The following GABRA1 variants were observed in gnomAD, a reference collection of about 807,000 sequenced individuals.
GABRA1 encodes gamma-aminobutyric acid receptor subunit alpha-1.
A neutral mutation model predicts 48.9 loss-of-function variants in GABRA1; 9 were observed. That is an observed-to-expected ratio of 0.18 (90% CI 0.11 to 0.32). The LOEUF is 0.32. GABRA1 is among the 10% of genes least tolerant of loss of function. The pLI is 1.00. For missense variants in GABRA1, 285 were observed against 553.8 expected, an observed-to-expected ratio of 0.51 and a Z score of 4.87; for synonymous variants, 210 against 198.7, an observed-to-expected ratio of 1.06 and a Z score of -0.48.
intron 6 of GABRA1, chr5:161,881,945 G>A (rs1754632047): frequency 6.5e-6 from 1 of 153,114 alleles, no homozygotes; most frequent in Non-Finnish European, 1.4e-5. Flanking sequence ...AGAAGGAGAA[G>A]GAGAAGGAGG....
At chr5:161,896,442 T>C (rs1755372125) in intron 9 of GABRA1, among the ~76,000 whole-genome samples, 1 of 152,060 alleles carries the variant, frequency 6.6e-6, no homozygotes, top group South Asian at 2.1e-4. Flanking sequence ...TGGTAGAAAA[T>C]GTTCAAGTTA....
chr5:161,890,688 G>A (rs1164722757), intron 7 of GABRA1, among the ~76,000 whole-genome samples: 3 of 151,966 alleles, frequency 2.0e-5, no homozygotes, highest in East Asian at 1.9e-4. Context: ...AAAGACTCTG[G>A]CACCTCAGTC....
intron 3 of GABRA1, among the ~76,000 whole-genome samples, chr5:161,856,664 T>G (rs1326283262): frequency 6.6e-6 from 1 of 151,354 alleles, no homozygotes; most frequent in Non-Finnish European, 1.5e-5. Flanking sequence ...TTGATACTGA[T>G]TAAACTTTTT....
chr5:161,863,587 C>A (rs1757940612), intron 3 of GABRA1, among the ~76,000 whole-genome samples: 1 of 152,030 alleles, frequency 6.6e-6, no homozygotes, highest in Non-Finnish European at 1.5e-5. Context: ...ACACTTCCCA[C>A]CAGGCCCCAG....
At chr5:161,855,016 C>G (rs917270525) in intron 3 of GABRA1, among the ~76,000 whole-genome samples, 2 of 151,356 alleles carry the variant, frequency 1.3e-5, no homozygotes, top group Non-Finnish European at 3.0e-5. Context: ...ATATTGATCT[C>G]AGAGTAAAAC....
At chr5:161,878,571 A>G (rs1344656178) in intron 6 of GABRA1, among the ~76,000 whole-genome samples, 2 of 152,212 alleles carry the variant, frequency 1.3e-5, no homozygotes, top group Non-Finnish European at 2.9e-5. Flanking sequence ...ATATGGTGAT[A>G]AAATCTAAAG....
chr5:161,850,724 C>G, intron 1 of GABRA1, 72 bp from the exon 2 acceptor site: 1 of 1,249,762 alleles, frequency 8.0e-7, no homozygotes, highest in Non-Finnish European at 1.2e-6. Flanking sequence ...TAAACTGCCT[C>G]AGTCAGCCCT....
Position 161,850,841 on chromosome 5 carries a change from C to T in GABRA1, c.31C>T (p.Leu11Phe). 3 of 1,614,092 alleles carry T rather than the reference C, an allele frequency of 1.9e-6. No individual in the cohort carries two copies. The highest frequency in any genetic ancestry group is 2.5e-6 in the Non-Finnish European group (3 of 1,179,948). The change falls in exon 2 of 10, where the codon CTT becomes TTT. Residue 11 changes from leucine to phenylalanine, a missense_variant. Transcript: ENST00000393943. ...GAAAAGTCCAGGTCTGTCTGACTGTCTTTGGGCCTGGATCCTCCTTCTGAG... is the reference window on the plus strand; with the variant it reads ...GAAAAGTCCAGGTCTGTCTGACTGTTTTTGGGCCTGGATCCTCCTTCTGAG... MRKSPGLSDCLWAWILLLSTL... is the reference protein window; with the variant it reads MRKSPGLSDCFWAWILLLSTL...
chr5:161,896,777 T>C (rs1331994366), intron 9 of GABRA1, among the ~76,000 whole-genome samples: 1 of 152,188 alleles, frequency 6.6e-6, no homozygotes, highest in East Asian at 1.9e-4. Flanking sequence ...GGTCACAGCA[T>C]ATTAAAGGGG....
intron 3 of GABRA1, among the ~76,000 whole-genome samples, chr5:161,856,613 T>C (rs1275634962): frequency 1.3e-5 from 2 of 150,928 alleles, no homozygotes; most frequent in Non-Finnish European, 3.0e-5. Context: ...TGGAATTTAG[T>C]ACACTTAAAT....
chr5:161,897,350 C>A lies in GABRA1; in HGVS notation c.1299C>A (p.Ile433=), dbSNP rs1340729708. 3.7e-6 allele frequency: 6 copies of A among 1,614,070 alleles called. No individual in the cohort carries two copies. Among genetic ancestry groups the A allele is most frequent in the Admixed American group, 1.7e-5 (1 of 60,002 alleles). Residue 433 remains isoleucine (I), a synonymous_variant, in exon 10 of 10, where the codon ATC becomes ATA. Transcript: ENST00000393943. ...TAGCCTTCCCGCTGCTATTTGGAAT[C>A]TTTAACTTAGTCTACTGGGCTACGT... The part of the protein sequence containing the change: ...SRIAFPLLFG[I]FNLVYWATYL...
intron 8 of GABRA1, among the ~76,000 whole-genome samples, chr5:161,892,418 T>C (rs1039944407): frequency 1.3e-5 from 2 of 152,216 alleles, no homozygotes; most frequent in African/African-American, 4.8e-5. Context: ...CAGAAACGTG[T>C]ATTTTCTTCT....
At chr5:161,895,546 T>A in intron 8 of GABRA1, 120 bp from the exon 9 acceptor site, 1 of 910,936 alleles carries the variant, frequency 1.1e-6, no homozygotes, top group African/African-American at 1.6e-5. Flanking sequence ...AATAAGATGG[T>A]CTAGAAACCA....
At chr5:161,863,516 G>C (rs1040117004) in intron 3 of GABRA1, among the ~76,000 whole-genome samples, 1 of 151,982 alleles carries the variant, frequency 6.6e-6, no homozygotes, top group African/African-American at 2.4e-5. Context: ...GAGATAGAGA[G>C]CTCAATTATC....
At chr5:161,856,785 G>A (rs1013812553) in intron 3 of GABRA1, among the ~76,000 whole-genome samples, 11 of 150,984 alleles carry the variant, frequency 7.3e-5, no homozygotes, top group African/African-American at 2.7e-4. Flanking sequence ...TTTTGAGAAG[G>A]TATCTGTCAT....
intron 3 of GABRA1, among the ~76,000 whole-genome samples, chr5:161,863,023 A>T (rs1324459699): frequency 6.6e-6 from 1 of 152,040 alleles, no homozygotes; most frequent in South Asian, 2.1e-4. Context: ...TACTAATCTC[A>T]TCTTTTTGAA....
intron 7 of GABRA1, among the ~76,000 whole-genome samples, chr5:161,883,940 A>T (rs1015259357): frequency 2.6e-5 from 4 of 151,934 alleles, no homozygotes; most frequent in African/African-American, 9.7e-5. Context: ...TCCAAGTGGC[A>T]TAGTGGAAAG....
At chr5:161,851,333 GTC>G (rs922964163) in intron 2 of GABRA1, among the ~76,000 whole-genome samples, 2 of 151,882 alleles carry the variant, frequency 1.3e-5, no homozygotes, top group Non-Finnish European at 2.9e-5. Flanking sequence ...TGAAAATCAC[GTC>G]TCTCTAAATG....
intron 5 of GABRA1, 38 bp from the exon 6 acceptor site, chr5:161,875,522 C>CTA: frequency 6.7e-7 from 1 of 1,491,898 alleles, no homozygotes; most frequent in Non-Finnish European, 9.4e-7. Flanking sequence ...AGTATCTAAT[C>CTA]TATATGGCTC....
Sources: gnomAD v4.1 joint callset for allele counts (sites outside exome capture counted in the v4.1 genomes callset) on GRCh38, gnomAD v4.1.1 for gene constraint, MANE v1.5 for transcripts, NCBI Gene and HGNC (gene_info 2026-07-23, HGNC 2026-07-21) for gene names.